The following GALNTL6 variants were observed in gnomAD, a reference collection of about 807,000 sequenced individuals.
GALNTL6 encodes polypeptide N-acetylgalactosaminyltransferase-like 6.
GALNTL6 carries 46 observed loss-of-function variants against 73.7 expected under a neutral mutation model. That is an observed-to-expected ratio of 0.62 (90% CI 0.49 to 0.80). The LOEUF is 0.80. Among genes scored for constraint, GALNTL6 ranks in the 30% least tolerant of loss-of-function variants. GALNTL6 has a pLI of 0.00. For synonymous variants in GALNTL6, 259 were observed against 263.7 expected (o/e 0.98, Z 0.17); for missense variants, 604 against 755.0 (o/e 0.80, Z 2.34).
intron 2 of GALNTL6, among the ~76,000 whole-genome samples, chr4:171,943,814 AGGATTTCTATAGATTTTCTTCCTAC>A (rs1738623346): frequency 1.3e-5 from 2 of 152,232 alleles, no homozygotes; most frequent in Admixed American, 6.5e-5. Flanking sequence ...TTGCTCCCTT[AGGATTTCTATAGATTTTCTTCCTAC>A]GGGTAGGCTT....
intron 2 of GALNTL6, among the ~76,000 whole-genome samples, chr4:171,988,992 G>A (rs11725170): frequency 0.021 from 3,250 of 152,118 alleles, 39 homozygotes; most frequent in Admixed American, 0.033. Context: ...TTTAGTTAAA[G>A]TGTCTCGGCC....
At chr4:171,989,375 G>T (rs931695060) in intron 2 of GALNTL6, among the ~76,000 whole-genome samples, 4 of 152,166 alleles carry the variant, frequency 2.6e-5, no homozygotes, top group Non-Finnish European at 5.9e-5. Context: ...GGGAGTGGCT[G>T]CCAGGTGAGT....
At chr4:173,037,084 C>G (rs1331790999) in intron 12 of GALNTL6, among the ~76,000 whole-genome samples, 1 of 152,218 alleles carries the variant, frequency 6.6e-6, no homozygotes, top group East Asian at 1.9e-4. Context: ...GTGGAAAATG[C>G]TTGCTATGGG....
At chr4:172,561,732 C>A (rs1274893836) in intron 5 of GALNTL6, among the ~76,000 whole-genome samples, 2 of 152,158 alleles carry the variant, frequency 1.3e-5, no homozygotes, top group East Asian at 3.9e-4. Flanking sequence ...CTTAAAATCT[C>A]AATGTCCAGG....
intron 2 of GALNTL6, among the ~76,000 whole-genome samples, chr4:172,002,830 C>G (rs540319923): frequency 6.6e-6 from 1 of 152,024 alleles, no homozygotes; most frequent in Non-Finnish European, 1.5e-5. Flanking sequence ...CCACAGAACA[C>G]GTGTTATAAG....
At chr4:173,022,062 G>GGAAGGAAGGAAGGAAGGAAGGAAA (rs1753018152) in intron 12 of GALNTL6, among the ~76,000 whole-genome samples, 1 of 117,680 alleles carries the variant, frequency 8.5e-6, no homozygotes, top group Non-Finnish European at 1.8e-5. Context: ...AAGGAAGGAA[G>GGAAGGAAGGAAGGAAGGAAGGAAA]GAAGGAAGGA....
At chr4:171,839,135 GAGGCACAGGTAAAAA>G (rs1735179127) in intron 2 of GALNTL6, among the ~76,000 whole-genome samples, 1 of 152,174 alleles carries the variant, frequency 6.6e-6, no homozygotes, top group East Asian at 1.9e-4. Context: ...GGGATGTGAG[GAGGCACAGGTAAAAA>G]AGGCACAGGC....
At chr4:172,683,926 A>G (rs1732774586) in intron 5 of GALNTL6, among the ~76,000 whole-genome samples, 1 of 152,204 alleles carries the variant, frequency 6.6e-6, no homozygotes, top group South Asian at 2.1e-4. Flanking sequence ...GCCCATTCCT[A>G]TGACTTAGAA....
At chr4:171,908,646 A>G (rs1737376286) in intron 2 of GALNTL6, among the ~76,000 whole-genome samples, 2 of 151,056 alleles carry the variant, frequency 1.3e-5, no homozygotes, top group South Asian at 2.1e-4. Context: ...ATTACTGGGT[A>G]TATACCCAAA....
intron 5 of GALNTL6, among the ~76,000 whole-genome samples, chr4:172,416,565 G>T (rs1387000841): frequency 6.6e-6 from 1 of 151,942 alleles, no homozygotes; most frequent in Non-Finnish European, 1.5e-5. Context: ...TAAAATCAAG[G>T]ATATTTATAT....
intron 2 of GALNTL6, among the ~76,000 whole-genome samples, chr4:171,849,262 G>C: frequency 6.6e-6 from 1 of 152,230 alleles, no homozygotes; most frequent in Non-Finnish European, 1.5e-5. Flanking sequence ...TCAGACAATA[G>C]AGAGGCCTGA....
chr4:172,833,094 G>A (rs1320510842), intron 7 of GALNTL6, among the ~76,000 whole-genome samples: 5 of 151,916 alleles, frequency 3.3e-5, no homozygotes, highest in African/African-American at 1.2e-4. Context: ...TGGGGGTGGG[G>A]GGTAGGGAGT....
At chr4:171,947,711 T>G (rs1226235716) in intron 2 of GALNTL6, among the ~76,000 whole-genome samples, 2 of 152,106 alleles carry the variant, frequency 1.3e-5, no homozygotes, top group African/African-American at 4.8e-5. Context: ...TGACCCAGGT[T>G]CAGTTCAATC....
At chr4:172,743,537 A>G (rs1181547072) in intron 5 of GALNTL6, among the ~76,000 whole-genome samples, 1 of 151,988 alleles carries the variant, frequency 6.6e-6, no homozygotes, top group Admixed American at 6.6e-5. Flanking sequence ...ATGCCCTTTG[A>G]ATTCTGGGGA....
At chr4:172,699,881 C>A (rs903260300) in intron 5 of GALNTL6, among the ~76,000 whole-genome samples, 1 of 151,896 alleles carries the variant, frequency 6.6e-6, no homozygotes, top group African/African-American at 2.4e-5. Flanking sequence ...AAAGGATAGA[C>A]CAAATATCAA....
chr4:172,415,654 T>C (rs374473288), intron 5 of GALNTL6, among the ~76,000 whole-genome samples: 1 of 152,126 alleles, frequency 6.6e-6, no homozygotes, highest in East Asian at 1.9e-4. Context: ...AAGGGCTTTA[T>C]TCAGCTGGGA....
At chr4:172,443,121 C>CATACAT (rs1731892650) in intron 5 of GALNTL6, among the ~76,000 whole-genome samples, 1 of 52,004 alleles carries the variant, frequency 1.9e-5, no homozygotes, top group Non-Finnish European at 3.8e-5. Context: ...GATCCATATA[C>CATACAT]ATATATATAT....
intron 5 of GALNTL6, among the ~76,000 whole-genome samples, chr4:172,405,154 C>T (rs1280067208): frequency 2.6e-5 from 4 of 151,770 alleles, no homozygotes; most frequent in South Asian, 2.1e-4. Flanking sequence ...TTAATTGGTG[C>T]TTCATTTCAC....
chr4:172,202,834 A>G (rs1735999627), intron 2 of GALNTL6, among the ~76,000 whole-genome samples: 1 of 152,240 alleles, frequency 6.6e-6, no homozygotes, highest in African/African-American at 2.4e-5. Flanking sequence ...CATTTTCACA[A>G]AATGGATGAT....
Sources: allele counts gnomAD v4.1 joint callset (sites outside exome capture counted in the v4.1 genomes callset), GRCh38; gene constraint gnomAD v4.1.1; transcripts MANE v1.5; gene names NCBI Gene and HGNC (gene_info 2026-07-23, HGNC 2026-07-21).